ACSM1: variants seen among roughly 807,000 people sequenced by gnomAD.
ACSM1 encodes acyl-coenzyme A synthetase ACSM1, mitochondrial.
ACSM1 carries 79 observed loss-of-function variants against 75.8 expected under a neutral mutation model. The ratio of observed to expected loss-of-function variants is 1.04; its 90% CI spans 0.87 to 1.26. The LOEUF is 1.26. Ranked by LOEUF, ACSM1 falls within the 50% of genes most tolerant of loss-of-function variation. ACSM1 has a pLI of 0.00. For missense variants in ACSM1, 676 were observed against 720.1 expected, an observed-to-expected ratio of 0.94 and a Z score of 0.70; for synonymous variants, 279 against 265.8, an observed-to-expected ratio of 1.05 and a Z score of -0.48.
At chr16:20,624,610 A>G (rs1397778841) in intron 12 of ACSM1, among the ~76,000 whole-genome samples, 1 of 152,252 alleles carries the variant, frequency 6.6e-6, no homozygotes, top group Non-Finnish European at 1.5e-5. Context: ...TGGGCATTCC[A>G]TAATTACTGG....
intron 4 of ACSM1, among the ~76,000 whole-genome samples, chr16:20,676,851 T>C (rs920009850): frequency 6.6e-6 from 1 of 151,450 alleles, no homozygotes; most frequent in African/African-American, 2.4e-5. Flanking sequence ...ATAAGGAGAA[T>C]GGTCAAGGCC....
intron 10 of ACSM1, among the ~76,000 whole-genome samples, chr16:20,635,642 T>TTCTC (rs1734937041): frequency 1.0e-5 from 1 of 95,526 alleles, no homozygotes; most frequent in African/African-American, 4.5e-5. Context: ...CTTTCTTTCT[T>TTCTC]TCTTTCTTTC....
Position 20,623,392 on chromosome 16 carries a change from C to A in ACSM1, c.*94G>T. On this transcript the variant is annotated 3_prime_UTR_variant, in exon 14 of 14. Coordinates refer to ENST00000520010, the MANE Select transcript of ACSM1 (RefSeq NM_001318890.3). ...CCTGATACTTTCCCAAATCAACACT[C>A]TCAATGCCCCACCCTCGTCCTCACC... 1.8e-6 allele frequency: 2 copies of A among 1,092,882 alleles called. No homozygotes were observed. Among genetic ancestry groups the A allele is most frequent in the South Asian group, 1.4e-5 (1 of 72,278 alleles). 67.7% of individuals were successfully genotyped at this position (1,092,882 alleles called of 1,614,324 possible). A position where few individuals can be genotyped will look rare whatever the true frequency, so the allele number is the denominator to read the frequency against.
At chr16:20,633,616 G>T (rs1330358361) in intron 10 of ACSM1, among the ~76,000 whole-genome samples, 1 of 150,288 alleles carries the variant, frequency 6.7e-6, no homozygotes, top group African/African-American at 2.5e-5. Context: ...ATCTACAGAG[G>T]CAACACAATT....
chr16:20,667,663 G>A (rs1335870587), intron 6 of ACSM1, among the ~76,000 whole-genome samples: 1 of 152,134 alleles, frequency 6.6e-6, no homozygotes, highest in African/African-American at 2.4e-5. Context: ...ATATCCAAAG[G>A]AAAATAAATG....
intron 7 of ACSM1, among the ~76,000 whole-genome samples, chr16:20,645,600 G>A (rs928865408): frequency 8.5e-5 from 13 of 152,188 alleles, no homozygotes; most frequent in African/African-American, 3.1e-4. Context: ...CTCCAAATGA[G>A]AGAAGTGCCG....
At position 20,623,288 on chromosome 16, in the gene ACSM1, C is replaced by A; in HGVS notation, c.*198G>T. On this transcript the variant is annotated 3_prime_UTR_variant, in exon 14 of 14. Transcript: ENST00000520010. ...GTTATGAGTGCTCACCTGGGAAATT[C>A]TAAAGATACAGAGGACTTGGAGGAA... 1.8e-6 allele frequency: 1 copy of A among 559,466 alleles called. No individual in the cohort carries two copies. Among genetic ancestry groups the A allele is most frequent in the African/African-American group, 1.9e-5 (1 of 52,888 alleles). 34.7% of individuals were successfully genotyped at this position (559,466 alleles called of 1,614,324 possible).
chr16:20,651,085 T>A (rs1357529613), intron 7 of ACSM1, among the ~76,000 whole-genome samples: 1 of 152,170 alleles, frequency 6.6e-6, no homozygotes, highest in East Asian at 1.9e-4. Flanking sequence ...AATTGGCAGT[T>A]GAATTAATTT....
intron 7 of ACSM1, among the ~76,000 whole-genome samples, chr16:20,661,432 G>A (rs2019294090): frequency 6.6e-6 from 1 of 152,140 alleles, no homozygotes. Context: ...AAGGGAGATG[G>A]AAGTCTCTGA....
intron 6 of ACSM1, among the ~76,000 whole-genome samples, chr16:20,664,392 T>A: frequency 6.6e-6 from 1 of 151,912 alleles, no homozygotes; most frequent in Non-Finnish European, 1.5e-5. Flanking sequence ...AAACCAGCAA[T>A]GATTAGGAAG....
chr16:20,653,664 A>G (rs1031760962), intron 7 of ACSM1, among the ~76,000 whole-genome samples: 17 of 152,234 alleles, frequency 1.1e-4, no homozygotes, highest in African/African-American at 3.4e-4. Flanking sequence ...ATTGCTTCAA[A>G]GAGAATAAAA....
chr16:20,693,845 A>T (rs1166162390), intron 1 of ACSM1, among the ~76,000 whole-genome samples: 1 of 152,250 alleles, frequency 6.6e-6, no homozygotes, highest in Non-Finnish European at 1.5e-5. Flanking sequence ...TTAATATTGT[A>T]AAAAGTAAAA....
At chr16:20,642,711 A>G (rs1200452354) in intron 7 of ACSM1, among the ~76,000 whole-genome samples, 1 of 152,234 alleles carries the variant, frequency 6.6e-6, no homozygotes, top group African/African-American at 2.4e-5. Context: ...AACTGGGTCT[A>G]TGACAACGTA....
chr16:20,671,776 G>T, intron 4 of ACSM1, 105 bp from the exon 5 acceptor site: 1 of 1,304,254 alleles, frequency 7.7e-7, no homozygotes, highest in Non-Finnish European at 1.0e-6. Context: ...CTGGGAGTTT[G>T]CAACACTAGA....
Position 20,645,845 on chromosome 16 carries a change from C to T in ACSM1, c.993-5261G>A, listed in dbSNP as rs539228886. On this transcript the variant is annotated intron_variant, in intron 7 of 13. Transcript: ENST00000520010. ...AAGGCTATGAATTATTCAATGATGT[C>T]CACTATAATACAAGGAAAGGAAGAA... 6.6e-5 allele frequency among the ~76,000 whole-genome samples: 10 copies of T among 152,220 alleles called. No individual in the cohort carries two copies. In the South Asian group the frequency reaches 2.1e-3, roughly 32 times the overall value.
chr16:20,635,605 TTTCTTTCTTTCTTTCTTTC>T (rs1294844628), intron 10 of ACSM1, among the ~76,000 whole-genome samples: 2 of 82,984 alleles, frequency 2.4e-5, no homozygotes, highest in Non-Finnish European at 2.4e-5. Flanking sequence ...TCTTTCTTTC[TTTCTTTCTTTCTTTCTTTC>T]TTTCTTTCTT....
At chr16:20,664,370 A>G (rs1320860701) in intron 6 of ACSM1, among the ~76,000 whole-genome samples, 1 of 152,130 alleles carries the variant, frequency 6.6e-6, no homozygotes, top group African/African-American at 2.4e-5. Context: ...ATATCAGATA[A>G]AAACAGACTT....
intron 2 of ACSM1, among the ~76,000 whole-genome samples, chr16:20,688,675 A>T (rs2079597869): frequency 6.6e-6 from 1 of 152,090 alleles, no homozygotes; most frequent in Non-Finnish European, 1.5e-5. Context: ...ATCCAGAAAG[A>T]TTCTTCAAAA....
At chr16:20,649,744 G>A (rs1032577567) in intron 7 of ACSM1, among the ~76,000 whole-genome samples, 2 of 152,078 alleles carry the variant, frequency 1.3e-5, no homozygotes, top group African/African-American at 4.8e-5. Flanking sequence ...CTGCCTTTCT[G>A]AACCAAACCA....
Sources: allele counts gnomAD v4.1 joint callset (sites outside exome capture counted in the v4.1 genomes callset), GRCh38; gene constraint gnomAD v4.1.1; transcripts MANE v1.5; gene names NCBI Gene and HGNC (gene_info 2026-07-23, HGNC 2026-07-21).